The following AKIRIN2 variants were observed in gnomAD, a reference collection of about 807,000 sequenced individuals.
AKIRIN2 encodes akirin-2.
AKIRIN2 carries 6 observed loss-of-function variants against 29.3 expected under a neutral mutation model. The observed-to-expected ratio is 0.20, with a 90% CI of 0.11 to 0.40. The LOEUF (loss-of-function observed/expected upper bound fraction) is 0.40, where lower values mean the gene tolerates loss of function less well. AKIRIN2 is among the 10% of genes least tolerant of loss of function. The pLI, the probability that AKIRIN2 is intolerant of heterozygous loss-of-function variation, is 1.00. For missense variants in AKIRIN2, 210 were observed against 276.1 expected (o/e 0.76, Z 1.70); for synonymous variants, 128 against 117.5 (o/e 1.09, Z -0.58).
At chr6:87,697,762 C>T (rs1771395296) in intron 1 of AKIRIN2, among the ~76,000 whole-genome samples, 1 of 152,166 alleles carries the variant, frequency 6.6e-6, no homozygotes, top group African/African-American at 2.4e-5. Flanking sequence ...TTTTTAATGG[C>T]AAGTTTCCAG....
In AKIRIN2 at chr6:87,675,543, T is replaced by C; in HGVS notation, c.*54A>G. 6.2e-7 allele frequency: 1 copy of C among 1,607,036 alleles called. No homozygotes were observed. The highest frequency in any genetic ancestry group is 1.1e-5 in the South Asian group (1 of 90,910). ...ATTGCTGCATGTCATAATTGGGACC[T>C]CTTGCAACAACTCAACAAGGAACAA... On this transcript the variant is annotated 3_prime_UTR_variant, in exon 5 of 5. Transcript: ENST00000257787.
chr6:87,678,528 A>C (rs1771064791), intron 2 of AKIRIN2, among the ~76,000 whole-genome samples: 1 of 152,046 alleles, frequency 6.6e-6, no homozygotes, highest in African/African-American at 2.4e-5. Flanking sequence ...AAAAATTAAA[A>C]ATTAAATTTA....
At chr6:87,676,531 C>T (rs910324867) in intron 3 of AKIRIN2, among the ~76,000 whole-genome samples, 6 of 148,538 alleles carry the variant, frequency 4.0e-5, no homozygotes, top group Non-Finnish European at 5.9e-5. Flanking sequence ...CCGAGGCGGG[C>T]ACATCATGAG....
intron 1 of AKIRIN2, among the ~76,000 whole-genome samples, chr6:87,688,962 C>G (rs1381154397): frequency 6.6e-6 from 1 of 152,188 alleles, no homozygotes; most frequent in Non-Finnish European, 1.5e-5. Context: ...ATAAGTAGCA[C>G]TAGCTATACA....
chr6:87,680,483 G>C (rs1249789604), intron 2 of AKIRIN2, among the ~76,000 whole-genome samples: 1 of 151,414 alleles, frequency 6.6e-6, no homozygotes, highest in African/African-American at 2.4e-5. Flanking sequence ...GTGTTAGCCA[G>C]GATGTTCTCG....
At position 87,701,994 on chromosome 6, in the gene AKIRIN2, C is replaced by T; in HGVS notation, c.-310G>A. 2.5e-6 allele frequency: 1 copy of T among 402,504 alleles called. No homozygotes were observed. Among genetic ancestry groups the T allele is most frequent in the Non-Finnish European group, 4.4e-6 (1 of 228,082 alleles). The allele number at this position is 402,504 out of a possible 1,614,324, so 24.9% of individuals were successfully genotyped here. ...GCGGCTCCCCCGAGAGAGGCTCCGG[C>T]CGCCCCCGCCGTCCGCTCGAGCTTT... On this transcript the variant is annotated 5_prime_UTR_variant, in exon 1 of 5. Transcript: ENST00000257787.
rs146636872 is a variant in AKIRIN2, at chr6:87,683,730, T to G, written c.236-1967A>C. Among the ~76,000 whole-genome samples, 1,403 of 152,300 alleles carry G rather than the reference T, an allele frequency of 9.2e-3. 21 individuals are homozygous for G. Among genetic ancestry groups the G allele is most frequent in the African/African-American group, 0.031 (1,308 of 41,558 alleles). Reference sequence around the variant, plus strand: ...GTGCAGTGGCGTGATCTCAGCTCACTGCAACCTCCATCTCCCAGGTTCAAG... The same window carrying G: ...GTGCAGTGGCGTGATCTCAGCTCACGGCAACCTCCATCTCCCAGGTTCAAG... On this transcript the variant is annotated intron_variant, in intron 1 of 4. Transcript: ENST00000257787.
At chr6:87,698,710 A>C (rs771969368) in intron 1 of AKIRIN2, among the ~76,000 whole-genome samples, 2 of 152,222 alleles carry the variant, frequency 1.3e-5, no homozygotes, top group African/African-American at 2.4e-5. Flanking sequence ...TGCGGTTAAG[A>C]AAGCAAGCTT....
At chr6:87,692,844 A>AT (rs1016590220) in intron 1 of AKIRIN2, among the ~76,000 whole-genome samples, 2 of 151,860 alleles carry the variant, frequency 1.3e-5, no homozygotes, top group African/African-American at 4.9e-5. Flanking sequence ...AGGAAAGTTA[A>AT]TTTTTAGAAA....
intron 1 of AKIRIN2, among the ~76,000 whole-genome samples, chr6:87,694,618 T>A (rs1339920875): frequency 1.3e-5 from 2 of 152,142 alleles, no homozygotes; most frequent in Admixed American, 6.5e-5. Context: ...AAGTTGTATT[T>A]AATGGAAAGA....
intron 1 of AKIRIN2, among the ~76,000 whole-genome samples, chr6:87,682,349 C>A (rs1771133411): frequency 6.6e-6 from 1 of 152,158 alleles, no homozygotes; most frequent in Admixed American, 6.5e-5. Flanking sequence ...CATTCTGAAT[C>A]TTGGGGCTGG....
intron 1 of AKIRIN2, among the ~76,000 whole-genome samples, chr6:87,697,309 A>G (rs938757292): frequency 8.4e-5 from 12 of 143,504 alleles, no homozygotes; most frequent in Non-Finnish European, 1.1e-4. Context: ...TGTCTCAAGA[A>G]AAAAAAAAAA....
chr6:87,675,682 A>G (rs45616633), intron 4 of AKIRIN2, 75 bp from the exon 5 acceptor site: 4 of 1,581,592 alleles, frequency 2.5e-6, no homozygotes, highest in Non-Finnish European at 2.6e-6. Context: ...TTGATTCCCA[A>G]TTTTGCCCCT....
At chr6:87,689,227 C>A (rs527473078) in intron 1 of AKIRIN2, among the ~76,000 whole-genome samples, 43 of 152,246 alleles carry the variant, frequency 2.8e-4, no homozygotes, top group African/African-American at 9.1e-4. Flanking sequence ...CCGGGCCAGG[C>A]GCGGTGGCTC....
At chr6:87,680,870 C>A (rs1771109673) in intron 2 of AKIRIN2, among the ~76,000 whole-genome samples, 1 of 148,350 alleles carries the variant, frequency 6.7e-6, no homozygotes, top group Admixed American at 6.9e-5. Context: ...TAATAATAAT[C>A]CACCTTTAGA....
At chr6:87,685,785 T>G (rs538680319) in intron 1 of AKIRIN2, among the ~76,000 whole-genome samples, 1 of 152,334 alleles carries the variant, frequency 6.6e-6, no homozygotes, top group African/African-American at 2.4e-5. Flanking sequence ...ATGGAAGTCA[T>G]TATTAGCAAG....
At chr6:87,697,923 C>A (rs1466147987) in intron 1 of AKIRIN2, among the ~76,000 whole-genome samples, 2 of 152,172 alleles carry the variant, frequency 1.3e-5, no homozygotes, top group Non-Finnish European at 2.9e-5. Flanking sequence ...ATCTTCAGAC[C>A]ATTCATTCAC....
chr6:87,695,828 A>G (rs540560546), intron 1 of AKIRIN2, among the ~76,000 whole-genome samples: 5 of 152,320 alleles, frequency 3.3e-5, no homozygotes, highest in Non-Finnish European at 7.4e-5. Flanking sequence ...TTTATTCTCA[A>G]TCTTTCAAAA....
chr6:87,678,191 A>G (rs1003694904), intron 2 of AKIRIN2, among the ~76,000 whole-genome samples: 1 of 152,190 alleles, frequency 6.6e-6, no homozygotes, highest in African/African-American at 2.4e-5. Flanking sequence ...GATAAAAAAG[A>G]CTAAAGGTGA....
Sources: gnomAD v4.1 joint callset for allele counts (sites outside exome capture counted in the v4.1 genomes callset) on GRCh38, gnomAD v4.1.1 for gene constraint, MANE v1.5 for transcripts, NCBI Gene and HGNC (gene_info 2026-07-23, HGNC 2026-07-21) for gene names.